Variants in SERPINE2 observed in about 807,000 individuals in gnomAD.
The protein encoded by SERPINE2 is glia-derived nexin.
A neutral mutation model predicts 36.3 loss-of-function variants in SERPINE2; 14 were observed. The observed-to-expected ratio is 0.39, with a 90% CI of 0.25 to 0.60. The LOEUF (loss-of-function observed/expected upper bound fraction) is 0.60. Among genes scored for constraint, SERPINE2 ranks in the 20% least tolerant of loss-of-function variants. The pLI is 0.57. For missense variants in SERPINE2, 418 were observed against 499.6 expected (o/e 0.84, Z 1.56); for synonymous variants, 192 against 191.8 (o/e 1.00, Z -0.01).
intron 2 of SERPINE2, among the ~76,000 whole-genome samples, chr2:224,000,290 G>C (rs192594741): frequency 3.3e-5 from 5 of 152,140 alleles, no homozygotes; most frequent in Admixed American, 6.5e-5. Flanking sequence ...CCAGGAAGAG[G>C]GGGGGAGCCA....
intron 5 of SERPINE2, among the ~76,000 whole-genome samples, chr2:223,984,000 C>T (rs1690330990): frequency 6.6e-6 from 1 of 150,922 alleles, no homozygotes; most frequent in South Asian, 2.1e-4. Flanking sequence ...ATTAGTAATA[C>T]TTATTGTGAA....
In SERPINE2 at chr2:223,984,878, A is replaced by G; in HGVS notation, c.758T>C (p.Met253Thr). 1 of 1,614,218 alleles carries G rather than the reference A, an allele frequency of 6.2e-7. No homozygotes were observed. Among genetic ancestry groups the G allele is most frequent in the Non-Finnish European group, 8.5e-7 (1 of 1,180,024 alleles). ...ELPYHGESISMLIALPTESST... is the reference protein window; with the variant it reads ...ELPYHGESISTLIALPTESST... The stretch of plus-strand genomic sequence containing the variant: ...GCTCTCAGTCGGCAGTGCAATCAGC[A>G]TGCTGATGCTTTCCCCGTGGTAGGG... The change falls in exon 5 of 9, where the codon ATG becomes ACG. Residue 253 changes from methionine to threonine, a missense_variant. By Grantham distance (81) the Met-to-Thr change is moderately conservative. Coordinates refer to ENST00000409304, the MANE Select transcript of SERPINE2 (RefSeq NM_001136528.2).
chr2:223,984,931 A>G lies in SERPINE2; in HGVS notation c.705T>C (p.Asn235=), dbSNP rs1305838017. The G allele has an allele frequency of 1.2e-6, 2 of 1,614,146 alleles. No individual in the cohort carries two copies. Among genetic ancestry groups the G allele is most frequent in the Non-Finnish European group, 1.7e-6 (2 of 1,180,014 alleles). ...GTTCAATGAAGTTGTACCATAAATC[A>G]TTGGGGGCACTTGTCGACCCTAAAG... is the stretch of plus-strand genomic sequence containing the variant. The part of the protein sequence containing the change: ...VFRCGSTSAP[N]DLWYNFIELP... The change falls in exon 5 of 9, where the codon AAT becomes AAC. Residue 235 remains asparagine, a synonymous_variant. Transcript: ENST00000409304.
intron 1 of SERPINE2, among the ~76,000 whole-genome samples, chr2:224,006,332 C>T (rs768358852): frequency 2.0e-5 from 3 of 152,192 alleles, no homozygotes; most frequent in Non-Finnish European, 2.9e-5. Context: ...AATCTACCAA[C>T]TCTTCTCTTT....
At chr2:224,002,048 C>G in intron 1 of SERPINE2, 126 bp from the exon 2 acceptor site, 1 of 846,550 alleles carries the variant, frequency 1.2e-6, no homozygotes, top group East Asian at 2.7e-5. Context: ...GCCATCTCAG[C>G]TCACTGCAAC....
intron 1 of SERPINE2, chr2:224,038,530 A>G (rs749368349): frequency 6.4e-7 from 1 of 1,551,166 alleles, no homozygotes; most frequent in Non-Finnish European, 8.7e-7. Context: ...GTTTCTACAG[A>G]TGATGAAAAT....
At position 224,031,004 on chromosome 2, in the gene SERPINE2, A is replaced by G. The variant is rs1280853996; in HGVS notation, c.-23+8095T>C. 5 of 985,316 alleles carry G rather than the reference A, an allele frequency of 5.1e-6. No individual in the cohort carries two copies. In the African/African-American group the frequency reaches 5.2e-5, roughly 10 times the overall value. 61.0% of individuals were successfully genotyped at this position (985,316 alleles called of 1,614,324 possible). A position where few individuals can be genotyped will look rare whatever the true frequency, so the allele number is the denominator to read the frequency against. On this transcript the variant is annotated intron_variant, in intron 1 of 8. Coordinates refer to ENST00000409304, the MANE Select transcript of SERPINE2 (RefSeq NM_001136528.2). ...ACAGATACTGGCCTCTTTCTGTATC[A>G]TGTGTTTTGGTTGTGATACTAGGGC...
intron 1 of SERPINE2, among the ~76,000 whole-genome samples, chr2:224,025,137 G>GA (rs1210308941): frequency 4.0e-5 from 6 of 151,840 alleles, no homozygotes; most frequent in South Asian, 4.2e-4. Flanking sequence ...ACATCACACA[G>GA]AAAAAAAAGA....
intron 4 of SERPINE2, among the ~76,000 whole-genome samples, chr2:223,990,526 T>C (rs1385297952): frequency 6.6e-6 from 1 of 152,238 alleles, no homozygotes; most frequent in African/African-American, 2.4e-5. Flanking sequence ...TGTTTTTTTT[T>C]TCAGCAAGAG....
At chr2:223,984,161 T>C (rs534417529) in intron 5 of SERPINE2, among the ~76,000 whole-genome samples, 1 of 152,196 alleles carries the variant, frequency 6.6e-6, no homozygotes, top group African/African-American at 2.4e-5. Context: ...CATTCATTGC[T>C]TCTTCACAGT....
intron 2 of SERPINE2, among the ~76,000 whole-genome samples, chr2:224,000,445 CAAACTA>C (rs1451020953): frequency 1.3e-5 from 2 of 152,274 alleles, no homozygotes; most frequent in Non-Finnish European, 1.5e-5. Flanking sequence ...TTCTTTAACT[CAAACTA>C]AATCTTTTTC....
chr2:224,032,138 G>T (rs1180023436), intron 1 of SERPINE2, among the ~76,000 whole-genome samples: 1 of 152,186 alleles, frequency 6.6e-6, no homozygotes, highest in Non-Finnish European at 1.5e-5. Flanking sequence ...TTCTTGAGTG[G>T]ATTTCTTATT....
intron 5 of SERPINE2, among the ~76,000 whole-genome samples, chr2:223,984,392 A>C (rs7583463): frequency 0.65 from 98,147 of 152,082 alleles, 33,894 homozygotes; most frequent in Non-Finnish European, 0.79. Context: ...GTTCTATTAA[A>C]CCTCACTGTA....
At chr2:224,032,740 G>GA (rs1236741805) in intron 1 of SERPINE2, among the ~76,000 whole-genome samples, 4 of 152,188 alleles carry the variant, frequency 2.6e-5, no homozygotes, top group African/African-American at 7.2e-5. Flanking sequence ...GGGTGTTCCT[G>GA]ATCTAATCTT....
chr2:223,993,043 C>T (rs944828579), intron 3 of SERPINE2, among the ~76,000 whole-genome samples: 13 of 152,082 alleles, frequency 8.5e-5, no homozygotes, highest in African/African-American at 2.4e-4. Flanking sequence ...GAGGGTCGCC[C>T]GAGCCCAGGA....
chr2:224,003,257 G>A lies in SERPINE2; in HGVS notation c.-22-1335C>T, dbSNP rs148121987. Among the ~76,000 whole-genome samples the A allele has an allele frequency of 4.0e-3, 605 of 152,252 alleles. 6 individuals carry two copies. The highest frequency in any genetic ancestry group is 0.013 in the African/African-American group (552 of 41,548). On this transcript the variant is annotated intron_variant, in intron 1 of 8. Transcript: ENST00000409304. ...ATGTGAAATCAAGGTCGTAAAGAAG[G>A]GAGACAGGTGGGTGAAGCCGAAGGA...
chr2:224,023,238 G>A (rs1029856194), intron 1 of SERPINE2, among the ~76,000 whole-genome samples: 4 of 152,260 alleles, frequency 2.6e-5, no homozygotes, highest in South Asian at 4.2e-4. Context: ...TGTGAGTCTG[G>A]TAATTGTTAG....
chr2:224,037,219 C>G (rs549111568), intron 1 of SERPINE2, among the ~76,000 whole-genome samples: 1 of 152,204 alleles, frequency 6.6e-6, no homozygotes, highest in South Asian at 2.1e-4. Context: ...AAAGTCTGTA[C>G]AGGGGAGATG....
intron 7 of SERPINE2, 176 bp downstream of exon 7, chr2:223,980,134 GC>G: frequency 1.9e-6 from 1 of 538,056 alleles, no homozygotes; most frequent in Non-Finnish European, 3.3e-6. Flanking sequence ...CAGATTCTGA[GC>G]TTTGTGGTTA....
Sources: gnomAD v4.1 joint callset for allele counts (sites outside exome capture counted in the v4.1 genomes callset) on GRCh38, gnomAD v4.1.1 for gene constraint, MANE v1.5 for transcripts, NCBI Gene and HGNC (gene_info 2026-07-23, HGNC 2026-07-21) for gene names.